ZNF766: variants seen among roughly 807,000 people sequenced by gnomAD.
ZNF766 encodes zinc finger protein 766.
In ZNF766, 13 loss-of-function variants were observed where a neutral mutation model predicts 13.2. The ratio of observed to expected loss-of-function variants is 0.98; its 90% CI spans 0.64 to 1.56. The LOEUF (loss-of-function observed/expected upper bound fraction) is 1.56. Ranked by LOEUF, ZNF766 falls within the 40% of genes most tolerant of loss-of-function variation. ZNF766 has a pLI of 0.00. For missense variants in ZNF766, 521 were observed against 552.2 expected, an observed-to-expected ratio of 0.94 and a Z score of 0.57; for synonymous variants, 178 against 187.6, an observed-to-expected ratio of 0.95 and a Z score of 0.42.
rs1230911377 is a variant in ZNF766, at chr19:52,294,687, T to C, written c.*3489T>C. ...GGGAGTGCAGAGGTGTAAAAGGCGT[T>C]GGTGTTCAGACATCACAAAATGCAG... On this transcript the variant is annotated 3_prime_UTR_variant, in exon 4 of 4. Transcript: ENST00000439461. 1 of 152,144 alleles carries C rather than the reference T, an allele frequency of 6.6e-6. No homozygotes were observed. Among genetic ancestry groups the C allele is most frequent in the Non-Finnish European group, 1.5e-5 (1 of 68,022 alleles). 9.4% of individuals were successfully genotyped at this position (152,144 alleles called of 1,614,324 possible). A position where few individuals can be genotyped will look rare whatever the true frequency, so the allele number is the denominator to read the frequency against.
intron 1 of ZNF766, chr19:52,281,670 G>C (rs1399127856): frequency 2.5e-6 from 1 of 404,090 alleles, no homozygotes; most frequent in Non-Finnish European, 4.9e-6. Context: ...ACTCAGTTAG[G>C]TAATTGTCAG....
rs977810612 is a variant in ZNF766 at position 52,292,989 on chromosome 19, C to CG, written c.*1793dup. The CG allele has an allele frequency of 6.6e-6, 1 of 151,962 alleles. No homozygotes were observed. Among genetic ancestry groups the CG allele is most frequent in the African/African-American group, 2.4e-5 (1 of 41,344 alleles). The allele number at this position is 151,962 out of a possible 1,614,324, so 9.4% of individuals were successfully genotyped here. A position where few individuals can be genotyped will look rare whatever the true frequency, so the allele number is the denominator to read the frequency against. On this transcript the variant is annotated 3_prime_UTR_variant, in exon 4 of 4. Coordinates refer to ENST00000439461, the MANE Select transcript of ZNF766 (RefSeq NM_001010851.3). ...CAGCCCCCCACCCCCCGACAGGCCC[C>CG]GGTGTGTGATGTTACCCGCCTTGTG... is the stretch of plus-strand genomic sequence containing the variant.
At chr19:52,287,857 C>T (rs530200013) in intron 3 of ZNF766, among the ~76,000 whole-genome samples, 9 of 151,978 alleles carry the variant, frequency 5.9e-5, no homozygotes, top group Non-Finnish European at 8.8e-5. Context: ...TTATTTCGGT[C>T]GTATGCTTCA....
rs568560608 is a variant in ZNF766 at position 52,291,456 on chromosome 19, C to G, written c.*258C>G. 2.6e-6 allele frequency: 1 copy of G among 382,072 alleles called. No individual in the cohort carries two copies. Among genetic ancestry groups the G allele is most frequent in the Non-Finnish European group, 4.7e-6 (1 of 214,720 alleles). 23.7% of individuals were successfully genotyped at this position (382,072 alleles called of 1,614,324 possible). ...ACACGTGGAAATGATCTGTAATATT[C>G]GGGTTATTAAAAATGTAATTGGCTG... On this transcript the variant is annotated 3_prime_UTR_variant, in exon 4 of 4. Coordinates refer to ENST00000439461, the MANE Select transcript of ZNF766 (RefSeq NM_001010851.3).
intron 1 of ZNF766, among the ~76,000 whole-genome samples, chr19:52,279,982 G>A (rs964452538): frequency 6.6e-6 from 1 of 151,782 alleles, no homozygotes; most frequent in Non-Finnish European, 1.5e-5. Context: ...TTTTAGCAGA[G>A]ACGGGGTTTC....
At chr19:52,281,542 A>G (rs2122477019) in intron 1 of ZNF766, 1 of 311,666 alleles carries the variant, frequency 3.2e-6, no homozygotes, top group Non-Finnish European at 6.2e-6. Context: ...GTTCTACACT[A>G]TCACGTTAAT....
At chr19:52,269,740 C>G (rs1174051848) in intron 1 of ZNF766, 109 bp downstream of exon 1, 19 of 1,373,390 alleles carry the variant, frequency 1.4e-5, no homozygotes, top group Non-Finnish European at 1.7e-5. Flanking sequence ...ACCGCTCTCT[C>G]CACCCCGAGT....
chr19:52,269,723 TCC>T, intron 1 of ZNF766, 92 bp downstream of exon 1: 1 of 1,486,240 alleles, frequency 6.7e-7, no homozygotes, highest in South Asian at 1.2e-5. Context: ...GACCTTGAAA[TCC>T]CCGCACCGCT....
At chr19:52,288,590 C>G (rs1009744853) in intron 3 of ZNF766, among the ~76,000 whole-genome samples, 1 of 145,672 alleles carries the variant, frequency 6.9e-6, no homozygotes, top group Non-Finnish European at 1.5e-5. Context: ...TAAGGGGTCT[C>G]ACTTTGTTGC....
intron 1 of ZNF766, among the ~76,000 whole-genome samples, chr19:52,273,911 C>G (rs1981079963): frequency 1.3e-5 from 2 of 152,176 alleles, no homozygotes; most frequent in Non-Finnish European, 1.5e-5. Context: ...CCTGAGATTC[C>G]CATTCACATA....
chr19:52,286,226 A>C (rs767546957), intron 3 of ZNF766, among the ~76,000 whole-genome samples: 10 of 149,762 alleles, frequency 6.7e-5, no homozygotes, highest in Non-Finnish European at 1.2e-4. Flanking sequence ...CATTCTTTCA[A>C]TATTGAGTAT....
At chr19:52,283,547 C>A in intron 3 of ZNF766, 134 bp downstream of exon 3, 1 of 1,182,390 alleles carries the variant, frequency 8.5e-7, no homozygotes, top group Non-Finnish European at 1.1e-6. Flanking sequence ...CAACAGTCCT[C>A]CTGCTTTGGC....
rs1252310658 is a variant in ZNF766 at position 52,294,891 on chromosome 19, A to G, written c.*3693A>G. The G allele has an allele frequency of 1.3e-5, 2 of 151,932 alleles. No homozygotes were observed. The highest frequency in any genetic ancestry group is 4.8e-5 in the African/African-American group (2 of 41,402). 9.4% of individuals were successfully genotyped at this position (151,932 alleles called of 1,614,324 possible). ...TTTTTTTAGTAAAATTGCCTAAGAT[A>G]CTTTTTATAGTAGACAATGAAAATT... is the stretch of plus-strand genomic sequence containing the variant. On this transcript the variant is annotated 3_prime_UTR_variant, in exon 4 of 4. Transcript: ENST00000439461.
At chr19:52,283,447 CTTTTTT>C in intron 3 of ZNF766, 34 bp downstream of exon 3, 2 of 1,369,266 alleles carry the variant, frequency 1.5e-6, no homozygotes, top group African/African-American at 1.5e-5. Context: ...GAAAGCCACA[CTTTTTT>C]TTTTTTTTTT....
chr19:52,289,399 A>C (rs1000102521), intron 3 of ZNF766, among the ~76,000 whole-genome samples: 1 of 151,172 alleles, frequency 6.6e-6, no homozygotes, highest in East Asian at 2.0e-4. Context: ...TGATCCGCCC[A>C]CCTCGCCCTC....
intron 3 of ZNF766, among the ~76,000 whole-genome samples, chr19:52,289,282 C>T (rs780992698): frequency 2.0e-5 from 3 of 151,804 alleles, no homozygotes; most frequent in Non-Finnish European, 2.9e-5. Flanking sequence ...TCCTGAGTAG[C>T]TGGGATTACA....
intron 1 of ZNF766, chr19:52,277,520 G>T (rs757101226): frequency 1.9e-6 from 3 of 1,577,812 alleles, no homozygotes; most frequent in Non-Finnish European, 2.6e-6. Flanking sequence ...AAGCAGAGGA[G>T]TCAGGCATGC....
chr19:52,285,201 A>G (rs1308585535), intron 3 of ZNF766: 3 of 152,144 alleles, frequency 2.0e-5, no homozygotes, highest in Non-Finnish European at 2.9e-5. Context: ...CTCTCACACC[A>G]CCACGACAAT....
chr19:52,281,762 A>G (rs767963424), intron 1 of ZNF766: 2 of 484,210 alleles, frequency 4.1e-6, no homozygotes, highest in Non-Finnish European at 8.6e-6. Flanking sequence ...ATTAACCCAC[A>G]ATTCTATAGA....
Sources: gnomAD v4.1 joint callset for allele counts (sites outside exome capture counted in the v4.1 genomes callset) on GRCh38, gnomAD v4.1.1 for gene constraint, MANE v1.5 for transcripts, NCBI Gene and HGNC (gene_info 2026-07-23, HGNC 2026-07-21) for gene names.